Variants in ITSN1 observed in about 807,000 individuals in gnomAD.
The protein encoded by ITSN1 is intersectin 1.
Under a neutral mutation model 239.8 loss-of-function variants are expected in ITSN1, and 58 were observed. The observed-to-expected ratio is 0.24, with a 90% CI of 0.20 to 0.30. The LOEUF is 0.30. ITSN1 is among the 10% of genes least tolerant of loss of function. ITSN1 has a pLI of 1.00. For synonymous variants in ITSN1, 780 were observed against 770.8 expected (o/e 1.01, Z -0.20); for missense variants, 1,558 against 2,103.3 (o/e 0.74, Z 5.07).
intron 1 of ITSN1, among the ~76,000 whole-genome samples, chr21:33,661,039 G>A (rs1034851427): frequency 7.2e-5 from 11 of 152,166 alleles, no homozygotes; most frequent in African/African-American, 2.4e-4. Context: ...AAGCAGTCTA[G>A]CTCATAATGG....
intron 1 of ITSN1, among the ~76,000 whole-genome samples, chr21:33,663,881 G>A (rs1390220956): frequency 1.3e-5 from 2 of 152,188 alleles, no homozygotes; most frequent in East Asian, 1.9e-4. Context: ...GATTACGGGC[G>A]TGAGCCACCA....
At chr21:33,730,265 A>G (rs2066090438) in intron 4 of ITSN1, among the ~76,000 whole-genome samples, 3 of 151,740 alleles carry the variant, frequency 2.0e-5, no homozygotes, top group African/African-American at 7.3e-5. Flanking sequence ...GTTTCCTGTT[A>G]TCCTTCATTT....
At chr21:33,658,492 T>A (rs537149490) in intron 1 of ITSN1, among the ~76,000 whole-genome samples, 1 of 152,346 alleles carries the variant, frequency 6.6e-6, no homozygotes, top group African/African-American at 2.4e-5. Flanking sequence ...GTAACACAAG[T>A]ATTTACAGTG....
intron 10 of ITSN1, among the ~76,000 whole-genome samples, chr21:33,767,020 T>G (rs983418137): frequency 5.9e-5 from 9 of 151,810 alleles, no homozygotes; most frequent in Non-Finnish European, 1.0e-4. Context: ...ATACAAAAAT[T>G]AGCCAGGCGT....
Position 33,841,912 on chromosome 21 carries a change from G to A in ITSN1, c.3661+5280G>A, listed in dbSNP as rs139011409. Among the ~76,000 whole-genome samples, 96 of 150,900 alleles carry A rather than the reference G, an allele frequency of 6.4e-4. 1 individual carries two copies. The South Asian group carries it at 0.014, about 22-fold the overall frequency. ...ACAGTAGCCTTAATGTGAATGTTCCGCTTCAGCCAGAGTTCTCTTGGGCAC... is the reference window on the plus strand; with the variant it reads ...ACAGTAGCCTTAATGTGAATGTTCCACTTCAGCCAGAGTTCTCTTGGGCAC... On this transcript the variant is annotated intron_variant, in intron 29 of 39. Coordinates refer to ENST00000381318, the MANE Select transcript of ITSN1 (RefSeq NM_003024.3).
intron 1 of ITSN1, among the ~76,000 whole-genome samples, chr21:33,713,934 A>G (rs1395487867): frequency 7.0e-6 from 1 of 143,114 alleles, no homozygotes; most frequent in African/African-American, 2.6e-5. Context: ...TCTCGGGTTC[A>G]AGCAATTCTC....
At chr21:33,716,122 G>C (rs1038756892) in intron 1 of ITSN1, among the ~76,000 whole-genome samples, 1 of 152,092 alleles carries the variant, frequency 6.6e-6, no homozygotes, top group South Asian at 2.1e-4. Context: ...GCATGCCCCA[G>C]GGATATCTTG....
intron 34 of ITSN1, among the ~76,000 whole-genome samples, chr21:33,876,023 A>G (rs1276165794): frequency 1.3e-5 from 2 of 151,914 alleles, no homozygotes; most frequent in Non-Finnish European, 2.9e-5. Flanking sequence ...TCCCATTGCC[A>G]GAAGTTCTAT....
intron 27 of ITSN1, among the ~76,000 whole-genome samples, chr21:33,832,450 G>A (rs566622951): frequency 5.3e-5 from 8 of 152,364 alleles, no homozygotes; most frequent in Non-Finnish European, 1.0e-4. Context: ...CTAGCACTGT[G>A]CTTAAGTGAG....
At chr21:33,787,515 G>A (rs544833401) in intron 16 of ITSN1, among the ~76,000 whole-genome samples, 2 of 152,244 alleles carry the variant, frequency 1.3e-5, no homozygotes, top group Admixed American at 6.5e-5. Context: ...AAATGAGAAG[G>A]CCAGTTGTAG....
chr21:33,805,109 G>T (rs1303665108), intron 20 of ITSN1, among the ~76,000 whole-genome samples: 1 of 152,202 alleles, frequency 6.6e-6, no homozygotes, highest in Non-Finnish European at 1.5e-5. Context: ...GCCTTCAGAA[G>T]TCTGACCAGG....
intron 20 of ITSN1, among the ~76,000 whole-genome samples, chr21:33,810,422 C>T (rs2072818597): frequency 1.3e-5 from 2 of 151,962 alleles, no homozygotes; most frequent in Non-Finnish European, 2.9e-5. Context: ...GTCTGTGGAG[C>T]TTTTAAATGC....
chr21:33,810,132 A>G (rs1039354881), intron 20 of ITSN1, among the ~76,000 whole-genome samples: 1 of 152,194 alleles, frequency 6.6e-6, no homozygotes, highest in Non-Finnish European at 1.5e-5. Context: ...TTGTCCTCCA[A>G]AGTCATTCTC....
At chr21:33,875,968 C>T (rs1000869631) in intron 34 of ITSN1, among the ~76,000 whole-genome samples, 1 of 152,216 alleles carries the variant, frequency 6.6e-6, no homozygotes, top group African/African-American at 2.4e-5. Flanking sequence ...GCATGAGCCA[C>T]CGCGCCTGGC....
chr21:33,717,625 G>A lies in ITSN1; in HGVS notation c.-32-1172G>A, dbSNP rs1003628300. 8.6e-5 allele frequency among the ~76,000 whole-genome samples: 13 copies of A among 151,548 alleles called. No individual in the cohort carries two copies. The East Asian group carries it at 1.2e-3, about 14-fold the overall frequency. ...GGCTGGAGTGCAGGGGTGCAATCTC[G>A]GCTCACTGCAAGCTCCATCTCCTGG... On this transcript the variant is annotated intron_variant, in intron 1 of 39. Coordinates refer to ENST00000381318, the MANE Select transcript of ITSN1 (RefSeq NM_003024.3).
At chr21:33,708,370 C>T (rs985731796) in intron 1 of ITSN1, among the ~76,000 whole-genome samples, 1 of 151,658 alleles carries the variant, frequency 6.6e-6, no homozygotes, top group Admixed American at 6.6e-5. Flanking sequence ...TACTTTGAAG[C>T]CCAGTTTACT....
At chr21:33,746,418 T>A (rs2067185717) in intron 5 of ITSN1, among the ~76,000 whole-genome samples, 1 of 152,088 alleles carries the variant, frequency 6.6e-6, no homozygotes, top group Non-Finnish European at 1.5e-5. Context: ...AGCAATTACG[T>A]TCAAAGAACT....
intron 29 of ITSN1, among the ~76,000 whole-genome samples, chr21:33,846,944 CTATT>C (rs1198123643): frequency 6.6e-6 from 1 of 152,172 alleles, no homozygotes; most frequent in African/African-American, 2.4e-5. Context: ...TCAGTACTGT[CTATT>C]TATGTATGTA....
intron 5 of ITSN1, among the ~76,000 whole-genome samples, chr21:33,738,030 A>C (rs1261921951): frequency 1.3e-5 from 2 of 152,062 alleles, no homozygotes; most frequent in Admixed American, 6.5e-5. Context: ...AAAAAATACA[A>C]AAATTAGCTG....
Sources: gnomAD v4.1 joint callset for allele counts (sites outside exome capture counted in the v4.1 genomes callset) on GRCh38, gnomAD v4.1.1 for gene constraint, MANE v1.5 for transcripts, NCBI Gene and HGNC (gene_info 2026-07-23, HGNC 2026-07-21) for gene names.